PSD3: variants seen among roughly 807,000 people sequenced by gnomAD.
PSD3 encodes pleckstrin and Sec7 domain containing 3, also known as PH and SEC7 domain-containing protein 3.
Under a neutral mutation model 105.5 loss-of-function variants are expected in PSD3, and 49 were observed. The ratio of observed to expected loss-of-function variants is 0.46; its 90% CI spans 0.37 to 0.59. The LOEUF is 0.59. Among genes scored for constraint, PSD3 ranks in the 20% least tolerant of loss-of-function variants. The pLI, the probability that PSD3 is intolerant of heterozygous loss-of-function variation, is 0.00. For synonymous variants in PSD3, 557 were observed against 457.8 expected (o/e 1.22, Z -2.77); for missense variants, 1,561 against 1,263.8 (o/e 1.24, Z -3.57).
At chr8:19,078,669 G>A (rs1303040972) in intron 1 of PSD3, among the ~76,000 whole-genome samples, 3 of 151,880 alleles carry the variant, frequency 2.0e-5, no homozygotes, top group East Asian at 1.9e-4. Context: ...CTACCTCTGT[G>A]CCCACCATAG....
intron 12 of PSD3, among the ~76,000 whole-genome samples, chr8:18,580,990 C>T (rs189845603): frequency 1.3e-5 from 2 of 152,260 alleles, no homozygotes; most frequent in Admixed American, 6.5e-5. Flanking sequence ...ACAAGCCTTA[C>T]AAAAATACTT....
At chr8:19,075,402 C>A (rs1829434980) in intron 1 of PSD3, among the ~76,000 whole-genome samples, 1 of 152,366 alleles carries the variant, frequency 6.6e-6, no homozygotes, top group Admixed American at 6.5e-5. Context: ...TGCACCCAGC[C>A]TATAAACCTT....
intron 8 of PSD3, among the ~76,000 whole-genome samples, chr8:18,780,530 G>GTA (rs1167767620): frequency 6.6e-6 from 1 of 151,852 alleles, no homozygotes; most frequent in African/African-American, 2.4e-5. Context: ...TTCTGTAGTA[G>GTA]TAACACTTGC....
At position 18,622,807 on chromosome 8, in the gene PSD3, G is replaced by A. The variant is rs553479730; in HGVS notation, c.2410+9806C>T. Among the ~76,000 whole-genome samples the A allele has an allele frequency of 3.7e-4, 57 of 152,148 alleles. 2 individuals carry two copies. The South Asian group carries it at 5.6e-3, about 15-fold the overall frequency. ...TCTTCTGACTTCCTCTCTGTAAGAG[G>A]AGCTTAACGGATCTCTCTCCCTGCT... On this transcript the variant is annotated intron_variant, in intron 11 of 15. Coordinates refer to ENST00000327040, the MANE Select transcript of PSD3 (RefSeq NM_015310.4).
chr8:18,852,097 A>G (rs549021537), intron 4 of PSD3, among the ~76,000 whole-genome samples: 32 of 152,286 alleles, frequency 2.1e-4, no homozygotes, highest in Non-Finnish European at 2.5e-4. Flanking sequence ...TTATTTACAA[A>G]TTTTACAAAA....
intron 9 of PSD3, chr8:18,763,046 C>G (rs1011010856): frequency 7.3e-6 from 4 of 546,702 alleles, no homozygotes; most frequent in Non-Finnish European, 1.3e-5. Context: ...CACAGCAGAC[C>G]TTTAATAAAT....
chr8:19,011,229 C>G (rs748151122), intron 1 of PSD3, among the ~76,000 whole-genome samples: 1 of 152,198 alleles, frequency 6.6e-6, no homozygotes, highest in East Asian at 1.9e-4. Context: ...TTAATATTCA[C>G]ATGGTTTTGC....
At chr8:18,648,786 C>G (rs1408605739) in intron 10 of PSD3, among the ~76,000 whole-genome samples, 1 of 152,204 alleles carries the variant, frequency 6.6e-6, no homozygotes, top group African/African-American at 2.4e-5. Context: ...AGTTTCACTG[C>G]CCTATACTGC....
chr8:18,813,245 A>G (rs909829105), intron 4 of PSD3, among the ~76,000 whole-genome samples: 1 of 152,194 alleles, frequency 6.6e-6, no homozygotes, highest in Non-Finnish European at 1.5e-5. Flanking sequence ...AATGAACACA[A>G]GAGGAAGAAG....
chr8:18,539,565 T>C (rs1800036860), intron 15 of PSD3, among the ~76,000 whole-genome samples: 1 of 151,130 alleles, frequency 6.6e-6, no homozygotes, highest in South Asian at 2.1e-4. Flanking sequence ...TTTTTTTTTT[T>C]TGAGACGGAG....
At chr8:18,784,570 C>G (rs1343590774) in intron 8 of PSD3, among the ~76,000 whole-genome samples, 3 of 152,206 alleles carry the variant, frequency 2.0e-5, no homozygotes, top group African/African-American at 7.2e-5. Context: ...AGTTATACTT[C>G]TGACCAATCA....
intron 9 of PSD3, among the ~76,000 whole-genome samples, chr8:18,714,539 T>A (rs1292736379): frequency 6.6e-6 from 1 of 151,620 alleles, no homozygotes; most frequent in Non-Finnish European, 1.5e-5. Context: ...ACCCTCAATA[T>A]CGCTAGTCAT....
At chr8:18,693,714 C>T (rs1478355807) in intron 9 of PSD3, among the ~76,000 whole-genome samples, 2 of 152,318 alleles carry the variant, frequency 1.3e-5, no homozygotes, top group Middle Eastern at 3.4e-3. Context: ...ACGGAAGCAA[C>T]GTGGCACTTT....
intron 9 of PSD3, chr8:18,733,205 G>A (rs1398969202): frequency 6.6e-6 from 1 of 152,068 alleles, no homozygotes; most frequent in Non-Finnish European, 1.5e-5. Context: ...TTTGGTACCA[G>A]GTAAACAATA....
At chr8:18,970,364 A>C (rs1250892437) in intron 1 of PSD3, among the ~76,000 whole-genome samples, 3 of 151,256 alleles carry the variant, frequency 2.0e-5, no homozygotes, top group Admixed American at 6.6e-5. Flanking sequence ...AAAAGAAAAG[A>C]AACAACCTCA....
intron 12 of PSD3, among the ~76,000 whole-genome samples, chr8:18,594,671 C>A (rs935708703): frequency 6.6e-6 from 1 of 151,168 alleles, no homozygotes; most frequent in Non-Finnish European, 1.5e-5. Context: ...TTCTAGGACC[C>A]CTGATGGACA....
intron 11 of PSD3, among the ~76,000 whole-genome samples, chr8:18,613,668 G>A (rs947243354): frequency 4.6e-5 from 7 of 152,080 alleles, no homozygotes; most frequent in African/African-American, 1.7e-4. Flanking sequence ...ACTTCAGTTA[G>A]GTCTCTGCTC....
chr8:18,981,617 A>T (rs1426920), intron 1 of PSD3, among the ~76,000 whole-genome samples: 43,588 of 152,102 alleles, frequency 0.29, 7,092 homozygotes, highest in Non-Finnish European at 0.37. Context: ...ACAACAATAC[A>T]GTGAATATCA....
At position 18,528,589 on chromosome 8, in the gene PSD3, G is replaced by A. The variant is rs1307657458; in HGVS notation, c.*7154C>T. 1 of 152,242 alleles carries A rather than the reference G, an allele frequency of 6.6e-6. No homozygotes were observed. Among genetic ancestry groups the A allele is most frequent in the African/African-American group, 2.4e-5 (1 of 41,420 alleles). 9.4% of individuals were successfully genotyped at this position (152,242 alleles called of 1,614,324 possible). A position where few individuals can be genotyped will look rare whatever the true frequency, so the allele number is the denominator to read the frequency against. On this transcript the variant is annotated 3_prime_UTR_variant, in exon 16 of 16. Transcript: ENST00000327040. ...AAGCCTGAGTGAAGTGGCGGCCGGG[G>A]GAGAGGTTCCTCTTTGCAGAGATGA...
Sources: allele counts gnomAD v4.1 joint callset (sites outside exome capture counted in the v4.1 genomes callset), GRCh38; gene constraint gnomAD v4.1.1; transcripts MANE v1.5; gene names NCBI Gene and HGNC (gene_info 2026-07-23, HGNC 2026-07-21).